The following ACAD9 variants were observed in gnomAD, a reference collection of about 807,000 sequenced individuals.
ACAD9 encodes the protein acyl-CoA dehydrogenase family member 9, also known as complex I assembly factor ACAD9, mitochondrial.
A neutral mutation model predicts 70.2 loss-of-function variants in ACAD9; 53 were observed. That is an observed-to-expected ratio of 0.75 (90% CI 0.61 to 0.95). ACAD9 has a LOEUF of 0.95. Among genes scored for constraint, ACAD9 ranks in the 40% least tolerant of loss-of-function variants. The probability of loss-of-function intolerance (pLI) is 0.00; values close to 1 mark genes in which losing one functional copy is unlikely to be tolerated. For missense variants in ACAD9, 777 were observed against 802.8 expected (o/e 0.97, Z 0.39); for synonymous variants, 313 against 312.1 (o/e 1.00, Z -0.03).
intron 15 of ACAD9, 31 bp from the exon 16 acceptor site, chr3:128,909,990 G>T (rs906843659): frequency 6.2e-7 from 1 of 1,611,156 alleles, no homozygotes; most frequent in East Asian, 2.2e-5. Flanking sequence ...TCTAGGTAGT[G>T]AGTCCCCACT....
At chr3:128,908,430 C>A in intron 13 of ACAD9, 166 bp downstream of exon 13, 1 of 778,536 alleles carries the variant, frequency 1.3e-6, no homozygotes, top group South Asian at 1.5e-5. Flanking sequence ...GGGCTTGCTG[C>A]CCAGGGAAGC....
intron 2 of ACAD9, among the ~76,000 whole-genome samples, chr3:128,888,156 C>T (rs1180819675): frequency 1.3e-5 from 2 of 152,124 alleles, no homozygotes; most frequent in South Asian, 2.1e-4. Flanking sequence ...ATATAAAGGC[C>T]GTACATAAAT....
intron 13 of ACAD9, 33 bp from the exon 14 acceptor site, chr3:128,908,940 G>A (rs1331570190): frequency 6.2e-7 from 1 of 1,613,784 alleles, no homozygotes; most frequent in East Asian, 2.2e-5. Flanking sequence ...CAGCAGCGAG[G>A]CCTCCAGTCA....
intron 14 of ACAD9, 94 bp from the exon 15 acceptor site, chr3:128,909,250 C>T: frequency 1.9e-6 from 3 of 1,597,680 alleles, no homozygotes; most frequent in Non-Finnish European, 2.6e-6. Flanking sequence ...TTGCTTCCCC[C>T]AGATGGGGCA....
chr3:128,907,605 A>G (rs62265265), intron 12 of ACAD9, among the ~76,000 whole-genome samples: 8,054 of 152,128 alleles, frequency 0.053, 453 homozygotes, highest in African/African-American at 0.14. Context: ...CTCAGTCCCT[A>G]GTGCTGGCTG....
chr3:128,895,824 AC>A (rs1935554343), intron 4 of ACAD9, among the ~76,000 whole-genome samples: 1 of 152,178 alleles, frequency 6.6e-6, no homozygotes, highest in South Asian at 2.1e-4. Flanking sequence ...CCCAGGGTCA[AC>A]CGCCCTTACT....
At chr3:128,884,598 C>A in intron 1 of ACAD9, 55 bp from the exon 2 acceptor site, 1 of 1,297,052 alleles carries the variant, frequency 7.7e-7, no homozygotes, top group Non-Finnish European at 1.1e-6. Flanking sequence ...CTGATATTTC[C>A]GTGATGGGAG....
rs769825538 is a variant in ACAD9 at position 128,901,311 on chromosome 3, G to A, written c.844G>A (p.Val282Met). ...EVHFENTKIP[V>M]ENILGEVGDG... is the part of the protein sequence containing the mutation. ...CCATTTTGAAAACACCAAGATACCT[G>A]TGGAAAACATCCTTGGAGAGGTCGG... is the stretch of plus-strand genomic sequence containing the variant. The change falls in exon 8 of 18, where the codon GTG becomes ATG. Residue 282 changes from valine (V) to methionine (M), a missense_variant. Transcript: ENST00000308982. The A allele has an allele frequency of 2.5e-6, 4 of 1,614,176 alleles. No homozygotes were observed. The highest frequency in any genetic ancestry group is 3.4e-6 in the Non-Finnish European group (4 of 1,180,004).
chr3:128,899,824 T>C (rs1006605095), intron 7 of ACAD9, among the ~76,000 whole-genome samples: 2 of 152,174 alleles, frequency 1.3e-5, no homozygotes, highest in African/African-American at 2.4e-5. Context: ...CCTGGCAGCC[T>C]GCTTCAGGCT....
rs1330163471 is a variant in ACAD9 at position 128,908,209 on chromosome 3, T to G, written c.1303T>G (p.Tyr435Asp). The change falls in exon 13 of 18, where the codon TAC becomes GAC. Residue 435 changes from tyrosine to aspartate, a missense_variant. Transcript: ENST00000308982. ...GGGAACCAATGAGATTCTCCGGATG[T>G]ACATCGCCCTGACGGGTCTGCAGCA... ...FEGTNEILRM[Y>D]IALTGLQHAG... The G allele has an allele frequency of 1.2e-6, 2 of 1,614,066 alleles. No homozygotes were observed. Among genetic ancestry groups the G allele is most frequent in the Non-Finnish European group, 1.7e-6 (2 of 1,180,038 alleles).
chr3:128,892,985 A>G (rs953880760), intron 2 of ACAD9, among the ~76,000 whole-genome samples: 49 of 152,194 alleles, frequency 3.2e-4, no homozygotes, highest in African/African-American at 1.2e-3. Context: ...TTTACACAGC[A>G]AAAGCACCCC....
rs1422720226 is a variant in ACAD9, at chr3:128,880,036, G to A, written c.150+195G>A. On this transcript the variant is annotated intron_variant, in intron 1 of 17. Coordinates refer to ENST00000308982, the MANE Select transcript of ACAD9 (RefSeq NM_014049.5). ...AGAAAGGGTGAGACATTTCCAAGAC[G>A]GGGGACCCTTGGAAATGTGGTGGTG... 2.6e-6 allele frequency: 4 copies of A among 1,536,254 alleles called. No homozygotes were observed. In the African/African-American group the frequency reaches 5.5e-5, roughly 21 times the overall value.
chr3:128,885,788 G>A, intron 2 of ACAD9, among the ~76,000 whole-genome samples: 1 of 152,086 alleles, frequency 6.6e-6, no homozygotes, highest in East Asian at 2.0e-4. Flanking sequence ...AGGCCAACGG[G>A]GACAGATCAC....
Position 128,910,089 on chromosome 3 carries a change from G to T in ACAD9, c.1632G>T (p.Thr544=). Residue 544 remains threonine, a synonymous_variant, in exon 16 of 18, where the codon ACG becomes ACT. Coordinates refer to ENST00000308982, the MANE Select transcript of ACAD9 (RefSeq NM_014049.5). ...TCCTCATCAACCTGTATGGCATGAC[G>T]GCCGTGCTGTCGCGGGCCAGCCGCT... ...ANILINLYGM[T]AVLSRASRSI... The T allele has an allele frequency of 1.2e-6, 2 of 1,613,908 alleles. No homozygotes were observed. The highest frequency in any genetic ancestry group is 2.2e-5 in the South Asian group (2 of 91,028).
At chr3:128,897,084 A>G (rs1198490740) in intron 5 of ACAD9, among the ~76,000 whole-genome samples, 2 of 152,154 alleles carry the variant, frequency 1.3e-5, no homozygotes, top group African/African-American at 2.4e-5. Flanking sequence ...ACCCATTTCC[A>G]TGTTTAAACC....
intron 1 of ACAD9, chr3:128,880,069 C>A: frequency 6.7e-7 from 1 of 1,495,924 alleles, no homozygotes; most frequent in Admixed American, 2.0e-5. Context: ...GTGACGTGTT[C>A]CAGCTAAATT....
chr3:128,903,488 G>C (rs1441220664), intron 9 of ACAD9, among the ~76,000 whole-genome samples: 1 of 152,196 alleles, frequency 6.6e-6, no homozygotes, highest in Non-Finnish European at 1.5e-5. Flanking sequence ...ACCACACCTG[G>C]GAGAGCCTGT....
At chr3:128,885,066 C>T (rs1935207539) in intron 2 of ACAD9, among the ~76,000 whole-genome samples, 1 of 152,144 alleles carries the variant, frequency 6.6e-6, no homozygotes. Context: ...CCATACAAGC[C>T]CATGGAGCAT....
At chr3:128,891,044 A>G (rs1935407216) in intron 2 of ACAD9, among the ~76,000 whole-genome samples, 3 of 152,012 alleles carry the variant, frequency 2.0e-5, no homozygotes, top group Non-Finnish European at 2.9e-5. Context: ...GGGTTTCACT[A>G]TATTGGCCAG....
Sources: gnomAD v4.1 joint callset for allele counts (sites outside exome capture counted in the v4.1 genomes callset) on GRCh38, gnomAD v4.1.1 for gene constraint, MANE v1.5 for transcripts, NCBI Gene and HGNC (gene_info 2026-07-23, HGNC 2026-07-21) for gene names.